UBE2W: variants seen among roughly 807,000 people sequenced by gnomAD.
The protein encoded by UBE2W is ubiquitin conjugating enzyme E2 W.
UBE2W carries 18 observed loss-of-function variants against 27.2 expected under a neutral mutation model. That is an observed-to-expected ratio of 0.66 (90% CI 0.46 to 0.98). The LOEUF is 0.98. Among genes scored for constraint, UBE2W ranks in the 50% least tolerant of loss-of-function variants. UBE2W has a pLI of 0.00. For missense variants in UBE2W, 90 were observed against 180.2 expected (o/e 0.50, Z 2.87); for synonymous variants, 53 against 57.2 (o/e 0.93, Z 0.33).
At chr8:73,855,394 C>CTTTTTTTTTT (rs66577299) in intron 1 of UBE2W, among the ~76,000 whole-genome samples, 6 of 84,708 alleles carry the variant, frequency 7.1e-5, no homozygotes, top group African/African-American at 2.1e-4. Flanking sequence ...ATTCTACTTT[C>CTTTTTTTTTT]TTTTTTTTTT....
chr8:73,794,302 T>C (rs1035829475), intron 5 of UBE2W, among the ~76,000 whole-genome samples, 187 bp from the exon 6 acceptor site: 2 of 152,248 alleles, frequency 1.3e-5, no homozygotes, highest in African/African-American at 4.8e-5. Context: ...CAAATTTTTA[T>C]TCTTTCAGAG....
Position 73,805,472 on chromosome 8 carries a change from C to CAAAAAAAA in UBE2W, c.442+171_442+178dup. On this transcript the variant is annotated intron_variant, in intron 5 of 5. Coordinates refer to ENST00000602593, the MANE Select transcript of UBE2W (RefSeq NM_018299.6). ...TCCATCTCAAAAAAAAAAAAAAAAA[C>CAAAAAAAA]AAAAAAAACTAGGGTAATTCATCCA... Among the ~76,000 whole-genome samples the CAAAAAAAA allele has an allele frequency of 8.1e-3, 353 of 43,640 alleles. 29 individuals carry two copies. The highest frequency in any genetic ancestry group is 0.013 in the Non-Finnish European group (264 of 20,072). 28.6% of individuals were successfully genotyped at this position (43,640 alleles called of 152,430 possible).
intron 3 of UBE2W, among the ~76,000 whole-genome samples, chr8:73,811,820 T>C (rs573259454): frequency 2.0e-5 from 3 of 152,158 alleles, no homozygotes; most frequent in Admixed American, 6.5e-5. Flanking sequence ...AGATATACAG[T>C]ATTGCTTTAG....
chr8:73,808,981 T>C (rs1809033338), intron 4 of UBE2W, among the ~76,000 whole-genome samples: 1 of 152,224 alleles, frequency 6.6e-6, no homozygotes, highest in South Asian at 2.1e-4. Context: ...TATGTACAGA[T>C]ATCGCTGACA....
At chr8:73,805,472 C>CAAAAAAAAAAAAACAAAAAAAAAAAA in intron 5 of UBE2W, among the ~76,000 whole-genome samples, 179 bp downstream of exon 5, 10 of 43,672 alleles carry the variant, frequency 2.3e-4, no homozygotes, top group Admixed American at 3.9e-4. Context: ...AAAAAAAAAA[C>CAAAAAAAAAAAAACAAAAAAAAAAAA]AAAAAAAACT....
intron 5 of UBE2W, among the ~76,000 whole-genome samples, chr8:73,804,555 C>CT (rs57819629): frequency 0.064 from 9,337 of 146,452 alleles, 334 homozygotes; most frequent in Non-Finnish European, 0.076. Context: ...CAGAATCTCA[C>CT]TTTTTTTTTT....
rs76177556 is a variant in UBE2W, at chr8:73,780,486, C to T, written c.462G>A (p.Thr154=). The T allele has an allele frequency of 1.7e-3, 776 of 451,278 alleles. 4 individuals carry two copies. Among genetic ancestry groups the T allele is most frequent in the African/African-American group, 0.014 (694 of 49,910 alleles). 28.0% of individuals were successfully genotyped at this position (451,278 alleles called of 1,614,324 possible). Residue 154 remains threonine, a synonymous_variant, in exon 5 of 5, where the codon ACG becomes ACA. Coordinates refer to the UBE2W transcript ENST00000523278. ...TCTTATTGGAGGACATGATTCAATC[C>T]GTAATAGATAGTATGAAGGCAGATT...
chr8:73,858,750 G>A (rs1162524392), intron 1 of UBE2W, among the ~76,000 whole-genome samples: 1 of 149,974 alleles, frequency 6.7e-6, no homozygotes, highest in African/African-American at 2.4e-5. Context: ...AGGATCATGG[G>A]TAGTCCTTTC....
chr8:73,855,078 T>C (rs531361867), intron 1 of UBE2W, among the ~76,000 whole-genome samples: 2 of 152,356 alleles, frequency 1.3e-5, no homozygotes, highest in South Asian at 4.1e-4. Flanking sequence ...CAACTTTTTC[T>C]GGCAATGTCA....
At chr8:73,866,268 TAAAAAAA>T (rs10568367) in intron 1 of UBE2W, among the ~76,000 whole-genome samples, 635 of 42,238 alleles carry the variant, frequency 0.015, 12 homozygotes, top group African/African-American at 0.046. Context: ...AGACTTGGTC[TAAAAAAA>T]AAAAAAAAAA....
In UBE2W at chr8:73,788,180, T is replaced by C. The variant is rs1808042125; in HGVS notation, c.*5922A>G. On this transcript the variant is annotated 3_prime_UTR_variant, in exon 6 of 6. Coordinates refer to ENST00000602593, the MANE Select transcript of UBE2W (RefSeq NM_018299.6). Reference sequence around the variant, plus strand: ...AGTTATGAAATTCCATAAAGCAAAGTAATCTGCATTCAACTAACAAGTCTG... The same window carrying C: ...AGTTATGAAATTCCATAAAGCAAAGCAATCTGCATTCAACTAACAAGTCTG... 1 of 966,976 alleles carries C rather than the reference T, an allele frequency of 1.0e-6. No homozygotes were observed. Among genetic ancestry groups the C allele is most frequent in the South Asian group, 4.8e-5 (1 of 20,838 alleles). The allele number at this position is 966,976 out of a possible 1,614,324, so 59.9% of individuals were successfully genotyped here. A position where few individuals can be genotyped will look rare whatever the true frequency, so the allele number is the denominator to read the frequency against.
intron 1 of UBE2W, among the ~76,000 whole-genome samples, chr8:73,863,977 A>C (rs998203292): frequency 1.3e-5 from 2 of 152,106 alleles, no homozygotes; most frequent in Non-Finnish European, 2.9e-5. Context: ...GGAAAGTATG[A>C]TCTACAGTAG....
intron 1 of UBE2W, among the ~76,000 whole-genome samples, chr8:73,857,454 G>A (rs1003754219): frequency 1.3e-5 from 1 of 76,324 alleles, no homozygotes; most frequent in Non-Finnish European, 3.7e-5. Flanking sequence ...ATAAAAGATT[G>A]CAAGTATGTA....
At chr8:73,829,666 G>A (rs553393265) in intron 2 of UBE2W, among the ~76,000 whole-genome samples, 9 of 151,746 alleles carry the variant, frequency 5.9e-5, no homozygotes, top group African/African-American at 1.9e-4. Flanking sequence ...TGATACAAAT[G>A]CCAAAGTCAA....
chr8:73,830,208 C>T (rs1197471103), intron 2 of UBE2W, among the ~76,000 whole-genome samples, 173 bp downstream of exon 2: 3 of 151,648 alleles, frequency 2.0e-5, no homozygotes, highest in South Asian at 2.1e-4. Context: ...TTTATAATGC[C>T]GTAAAACAAA....
Position 73,799,813 on chromosome 8 carries a change from C to G in UBE2W, c.443-5698G>C, listed in dbSNP as rs114724024. Among the ~76,000 whole-genome samples, 1,133 of 152,222 alleles carry G rather than the reference C, an allele frequency of 7.4e-3. 16 individuals carry two copies. The highest frequency in any genetic ancestry group is 0.026 in the African/African-American group (1,070 of 41,526). On this transcript the variant is annotated intron_variant, in intron 5 of 5. Coordinates refer to ENST00000602593, the MANE Select transcript of UBE2W (RefSeq NM_018299.6). ...TTCAGTTTCTGATCTTTCTGCCTAG[C>G]CTTGAAAGTCACATAAGGAAACTGG...
intron 1 of UBE2W, among the ~76,000 whole-genome samples, chr8:73,878,438 C>T (rs1812333952): frequency 6.6e-6 from 1 of 152,236 alleles, no homozygotes; most frequent in Admixed American, 6.5e-5. Flanking sequence ...TCCGTCGGGC[C>T]AGGGACAGCG....
intron 1 of UBE2W, among the ~76,000 whole-genome samples, chr8:73,839,766 C>T (rs1810466166): frequency 7.1e-6 from 1 of 141,376 alleles, no homozygotes; most frequent in African/African-American, 2.8e-5. Context: ...TCTTGCTCTG[C>T]CACCCAGGCT....
chr8:73,819,897 T>C (rs1253858521), intron 3 of UBE2W, among the ~76,000 whole-genome samples: 2 of 152,244 alleles, frequency 1.3e-5, no homozygotes, highest in African/African-American at 4.8e-5. Context: ...GATTCATCTA[T>C]TCTAGAAATA....
Sources: allele counts gnomAD v4.1 joint callset (sites outside exome capture counted in the v4.1 genomes callset), GRCh38; gene constraint gnomAD v4.1.1; transcripts MANE v1.5; gene names NCBI Gene and HGNC (gene_info 2026-07-23, HGNC 2026-07-21).